KCNK9: variants seen among roughly 807,000 people sequenced by gnomAD.
The protein encoded by KCNK9 is potassium channel subfamily K member 9.
Under a neutral mutation model 10.8 loss-of-function variants are expected in KCNK9, and 1 was observed. The ratio of observed to expected loss-of-function variants is 0.09; its 90% CI spans 0.03 to 0.44. The LOEUF is 0.44. Among genes scored for constraint, KCNK9 ranks in the 20% least tolerant of loss-of-function variants. The pLI, the probability that KCNK9 is intolerant of heterozygous loss-of-function variation, is 0.97. For synonymous variants in KCNK9, 231 were observed against 222.7 expected (o/e 1.04, Z -0.33); for missense variants, 303 against 515.0 (o/e 0.59, Z 3.98).
chr8:139,632,980 A>C (rs965957231), intron 1 of KCNK9, among the ~76,000 whole-genome samples: 1 of 152,134 alleles, frequency 6.6e-6, no homozygotes, highest in Non-Finnish European at 1.5e-5. Context: ...ATGCGAGAAG[A>C]ACCCCTCGGT....
chr8:139,628,332 G>A (rs945686586), intron 1 of KCNK9, among the ~76,000 whole-genome samples: 1 of 152,240 alleles, frequency 6.6e-6, no homozygotes, highest in Non-Finnish European at 1.5e-5. Flanking sequence ...CTCCAGCACT[G>A]GGCTGAGTTC....
At chr8:139,619,123 C>T (rs1278551721) in intron 1 of KCNK9, 24 bp from the exon 2 acceptor site, 4 of 1,612,734 alleles carry the variant, frequency 2.5e-6, no homozygotes, top group South Asian at 1.1e-5. Flanking sequence ...ATGAGAAGAA[C>T]AGAGAGAGCA....
intron 2 of KCNK9, among the ~76,000 whole-genome samples, chr8:139,605,397 A>T (rs1322206320): frequency 1.3e-5 from 2 of 152,222 alleles, no homozygotes; most frequent in Non-Finnish European, 2.9e-5. Flanking sequence ...CATAAAGTCC[A>T]AAAAGGATAG....
rs114820371 is a variant in KCNK9 at position 139,619,509 on chromosome 8, A to G, written c.284-410T>C. ...TCACTACTAAGAGAACTCCAAAAGT[A>G]CCAAGCCCAAGGGAGAAACCTCTCT... On this transcript the variant is annotated intron_variant, in intron 1 of 1. Coordinates refer to ENST00000520439, the MANE Select transcript of KCNK9 (RefSeq NM_001282534.2). Among the ~76,000 whole-genome samples the G allele has an allele frequency of 8.2e-3, 1,248 of 152,314 alleles. 16 individuals are homozygous for G. The highest frequency in any genetic ancestry group is 0.029 in the African/African-American group (1,195 of 41,560).
intron 2 of KCNK9, among the ~76,000 whole-genome samples, chr8:139,605,821 G>C (rs917354280): frequency 6.6e-6 from 1 of 152,118 alleles, no homozygotes; most frequent in African/African-American, 2.4e-5. Flanking sequence ...ATGTCTACTT[G>C]GACATGTAAA....
downstream of KCNK9, among the ~76,000 whole-genome samples, chr8:139,614,672 T>TAACA (rs1257077943): frequency 6.6e-6 from 1 of 152,200 alleles, no homozygotes; most frequent in Non-Finnish European, 1.5e-5. Context: ...TAAAAGAGTC[T>TAACA]AACAGGCTGA....
At chr8:139,626,005 T>C (rs1288019115) in intron 1 of KCNK9, among the ~76,000 whole-genome samples, 1 of 152,168 alleles carries the variant, frequency 6.6e-6, no homozygotes, top group Non-Finnish European at 1.5e-5. Flanking sequence ...TGGGACATAG[T>C]AGTGCAAGAT....
At chr8:139,643,722 G>A (rs185603986) in intron 1 of KCNK9, among the ~76,000 whole-genome samples, 217 of 152,304 alleles carry the variant, frequency 1.4e-3, no homozygotes, top group Non-Finnish European at 2.6e-3. Context: ...ATGCATGGGG[G>A]TCTCAGGGGC....
chr8:139,621,150 G>C (rs922920713), intron 1 of KCNK9, among the ~76,000 whole-genome samples: 1 of 152,098 alleles, frequency 6.6e-6, no homozygotes, highest in Non-Finnish European at 1.5e-5. Flanking sequence ...AATTAGCCAG[G>C]TGTGGTGGCA....
chr8:139,619,117 G>A lies in KCNK9; in HGVS notation c.284-18C>T, dbSNP rs766905406. On this transcript the variant is annotated intron_variant, in intron 1 of 1. Coordinates refer to ENST00000520439, the MANE Select transcript of KCNK9 (RefSeq NM_001282534.2). ...CCCATAACCTGTGGGAAGGGGATGA[G>A]AAGAACAGAGAGAGCAAGTGAGGAG... The A allele has an allele frequency of 3.1e-6, 5 of 1,613,406 alleles. No individual in the cohort carries two copies. In the East Asian group the frequency reaches 1.1e-4, roughly 36 times the overall value.
At chr8:139,675,319 G>A (rs942822318) in intron 1 of KCNK9, among the ~76,000 whole-genome samples, 5 of 152,322 alleles carry the variant, frequency 3.3e-5, no homozygotes, top group South Asian at 2.1e-4. Flanking sequence ...TTCCCAAAAC[G>A]TATTCCACGC....
At chr8:139,615,277 G>A (rs181367562), downstream of KCNK9, among the ~76,000 whole-genome samples, 22 of 152,294 alleles carry the variant, frequency 1.4e-4, 1 homozygote, top group South Asian at 4.1e-4. Flanking sequence ...CAATGTCCTC[G>A]TCTGAAAACA....
intron 1 of KCNK9, among the ~76,000 whole-genome samples, chr8:139,644,625 C>T (rs1268378768): frequency 6.6e-6 from 1 of 152,116 alleles, no homozygotes; most frequent in East Asian, 1.9e-4. Context: ...ACGCGGTGGA[C>T]CTGGGTAGCA....
chr8:139,627,138 C>T (rs886472265), intron 1 of KCNK9, among the ~76,000 whole-genome samples: 1 of 152,182 alleles, frequency 6.6e-6, no homozygotes, highest in Admixed American at 6.5e-5. Context: ...ATCCTCTAAG[C>T]GTTAACCTTC....
chr8:139,613,797 C>T (rs112304318), downstream of KCNK9, among the ~76,000 whole-genome samples: 44 of 152,248 alleles, frequency 2.9e-4, no homozygotes, highest in African/African-American at 1.0e-3. Context: ...GTGCTGGCCA[C>T]GACTCTGGAG....
chr8:139,619,188 G>C, intron 1 of KCNK9, 89 bp from the exon 2 acceptor site: 1 of 1,410,586 alleles, frequency 7.1e-7, no homozygotes. Context: ...GTGCAGTGCA[G>C]TGCAATGCAG....
chr8:139,627,386 G>A (rs1380976596), intron 1 of KCNK9, among the ~76,000 whole-genome samples: 1 of 152,168 alleles, frequency 6.6e-6, no homozygotes, highest in Non-Finnish European at 1.5e-5. Context: ...GATGGTTTCA[G>A]CAAAAGCCTC....
intron 1 of KCNK9, among the ~76,000 whole-genome samples, chr8:139,642,129 G>T (rs546753420): frequency 3.0e-4 from 46 of 152,342 alleles, no homozygotes; most frequent in African/African-American, 1.1e-3. Context: ...CCTCCTGTTA[G>T]CCACTTCAGC....
chr8:139,686,997 A>C (rs946984349), intron 1 of KCNK9, among the ~76,000 whole-genome samples: 1 of 152,192 alleles, frequency 6.6e-6, no homozygotes, highest in Non-Finnish European at 1.5e-5. Context: ...AAAATAAATA[A>C]ACCTAAAGAA....
Sources: allele counts gnomAD v4.1 joint callset (sites outside exome capture counted in the v4.1 genomes callset), GRCh38; gene constraint gnomAD v4.1.1; transcripts MANE v1.5; gene names NCBI Gene and HGNC (gene_info 2026-07-23, HGNC 2026-07-21).